Variants in SOCS5 observed in about 807,000 individuals in gnomAD.
The protein encoded by SOCS5 is suppressor of cytokine signaling 5.
A neutral mutation model predicts 42.8 loss-of-function variants in SOCS5; 32 were observed. That is an observed-to-expected ratio of 0.75 (90% CI 0.56 to 1.01). The LOEUF is 1.01. SOCS5 is among the 50% of genes least tolerant of loss of function. The pLI is 0.00. For synonymous variants in SOCS5, 283 were observed against 229.6 expected, an observed-to-expected ratio of 1.23 and a Z score of -2.10; for missense variants, 627 against 653.0, an observed-to-expected ratio of 0.96 and a Z score of 0.43.
chr2:46,759,857 G>A lies in SOCS5; in HGVS notation c.1327G>A (p.Asp443Asn). Residue 443 changes from aspartate to asparagine, a missense_variant, in exon 2 of 2, where the codon GAC becomes AAC. Around this residue, in one of 3 missense-constraint regions of SOCS5, gnomAD observed 340 missense variants for 367.6 expected, o/e 0.92. Coordinates refer to ENST00000394861, the MANE Select transcript of SOCS5 (RefSeq NM_144949.3). ...TCACAACTTTAGTTTCGACGCCCAT[G>A]ACCCGTGTGTATTTCACTCCTCCAC... ...WNHNFSFDAH[D>N]PCVFHSSTVT... 1.2e-6 allele frequency: 2 copies of A among 1,614,146 alleles called. No individual in the cohort carries two copies. The highest frequency in any genetic ancestry group is 1.7e-6 in the Non-Finnish European group (2 of 1,180,026).
intron 1 of SOCS5, among the ~76,000 whole-genome samples, chr2:46,721,670 A>G (rs1416044338): frequency 6.6e-6 from 1 of 152,318 alleles, no homozygotes; most frequent in African/African-American, 2.4e-5. Flanking sequence ...TTAGTCTACT[A>G]ACTTTTATGG....
In SOCS5 at chr2:46,701,554, A is replaced by C. The variant is rs41513045; in HGVS notation, c.-13+2105A>C. On this transcript the variant is annotated intron_variant, in intron 1 of 1. Transcript: ENST00000394861. Reference sequence around the variant, plus strand: ...TATCACTTTCACACTGTTTATTTCTAAAGCATTCTCGTGCCAACTGTTAAT... The same window carrying C: ...TATCACTTTCACACTGTTTATTTCTCAAGCATTCTCGTGCCAACTGTTAAT... 5.4e-3 allele frequency among the ~76,000 whole-genome samples: 826 copies of C among 152,194 alleles called. 6 individuals are homozygous for C. The highest frequency in any genetic ancestry group is 0.019 in the African/African-American group (797 of 41,492).
At chr2:46,728,844 A>G (rs905080770) in intron 1 of SOCS5, among the ~76,000 whole-genome samples, 2 of 152,192 alleles carry the variant, frequency 1.3e-5, no homozygotes, top group Non-Finnish European at 2.9e-5. Context: ...GGCATGAGCC[A>G]CCACGCTGGC....
intron 1 of SOCS5, among the ~76,000 whole-genome samples, chr2:46,727,692 C>T (rs1209210689): frequency 6.6e-6 from 1 of 152,110 alleles, no homozygotes; most frequent in Non-Finnish European, 1.5e-5. Context: ...GTTCAGTTCT[C>T]ATAGTTTTTG....
Position 46,717,797 on chromosome 2 carries a change from G to C in SOCS5, c.-13+18348G>C, listed in dbSNP as rs537289801. Among the ~76,000 whole-genome samples, 15 of 152,246 alleles carry C rather than the reference G, an allele frequency of 9.9e-5. No individual in the cohort carries two copies. The East Asian group carries it at 2.7e-3, about 27-fold the overall frequency. Reference sequence around the variant, plus strand: ...TATTCAACAAGGTCTTTTCACTCTAGCTTAGCTGCTAGGAATTTTAATGTC... The same window carrying C: ...TATTCAACAAGGTCTTTTCACTCTACCTTAGCTGCTAGGAATTTTAATGTC... On this transcript the variant is annotated intron_variant, in intron 1 of 1. Transcript: ENST00000394861.
chr2:46,706,501 T>C (rs1672466100), intron 1 of SOCS5, among the ~76,000 whole-genome samples: 1 of 152,232 alleles, frequency 6.6e-6, no homozygotes, highest in South Asian at 2.1e-4. Flanking sequence ...CCTTAAATTC[T>C]TGATTTTTAA....
At position 46,699,436 on chromosome 2, in the gene SOCS5, G is replaced by T; in HGVS notation, c.-26G>T. The T allele has an allele frequency of 6.6e-6, 1 of 152,170 alleles. No individual in the cohort carries two copies. The highest frequency in any genetic ancestry group is 1.9e-4 in the South Asian group (1 of 5,208). The allele number at this position is 152,170 out of a possible 1,614,324, so 9.4% of individuals were successfully genotyped here. ...CAGGTGCCCTGGATGAGGCCGCCCC[G>T]CGCGCCCCAAACGGTGAGTGTCCCC... On this transcript the variant is annotated 5_prime_UTR_variant, in exon 1 of 2. Transcript: ENST00000394861. This position sits in a 1 kb window ranked among gnomAD's most constrained non-coding sequence, Gnocchi z 4.8.
At chr2:46,739,784 C>G (rs1461357155) in intron 1 of SOCS5, among the ~76,000 whole-genome samples, 1 of 152,182 alleles carries the variant, frequency 6.6e-6, no homozygotes, top group Admixed American at 6.5e-5. Flanking sequence ...CATGTCTACA[C>G]ACATATGTAT....
chr2:46,751,504 A>G (rs10209683), intron 1 of SOCS5, among the ~76,000 whole-genome samples: 151,243 of 152,176 alleles, frequency 0.99, 75,164 homozygotes, highest in Middle Eastern at 1. Flanking sequence ...GCATAAAAGA[A>G]AACATGTGGA....
chr2:46,756,156 G>A (rs1351002970), intron 1 of SOCS5, among the ~76,000 whole-genome samples: 5 of 152,158 alleles, frequency 3.3e-5, no homozygotes, highest in African/African-American at 1.2e-4. Context: ...AGTGGTTTTA[G>A]GTTAGGTCAC....
intron 1 of SOCS5, among the ~76,000 whole-genome samples, chr2:46,758,116 G>A (rs934333121): frequency 6.6e-6 from 1 of 152,178 alleles, no homozygotes; most frequent in African/African-American, 2.4e-5. Flanking sequence ...TTACACAAAT[G>A]TTCTAGTTAC....
At chr2:46,717,374 A>T (rs746827317) in intron 1 of SOCS5, among the ~76,000 whole-genome samples, 1 of 152,064 alleles carries the variant, frequency 6.6e-6, no homozygotes, top group Admixed American at 6.6e-5. Flanking sequence ...TCTCGTGTGA[A>T]AACTATTGTT....
chr2:46,701,718 G>A (rs186009273), intron 1 of SOCS5, among the ~76,000 whole-genome samples: 4 of 149,968 alleles, frequency 2.7e-5, no homozygotes, highest in African/African-American at 7.4e-5. Context: ...GTTAGCGTTA[G>A]TGCTGATAGT....
chr2:46,738,987 G>C (rs978624228), intron 1 of SOCS5, among the ~76,000 whole-genome samples: 1 of 152,176 alleles, frequency 6.6e-6, no homozygotes, highest in Non-Finnish European at 1.5e-5. Flanking sequence ...ATATCAATGA[G>C]CATTATATTC....
chr2:46,740,224 G>A (rs1040531350), intron 1 of SOCS5, among the ~76,000 whole-genome samples: 3 of 152,164 alleles, frequency 2.0e-5, no homozygotes, highest in Non-Finnish European at 2.9e-5. Context: ...ATAGGTGATT[G>A]GACTGGCATG....
At position 46,733,579 on chromosome 2, in the gene SOCS5, AAG is replaced by A. The variant is rs1362370405; in HGVS notation, c.-12-24938_-12-24937del. 3.1e-3 allele frequency among the ~76,000 whole-genome samples: 456 copies of A among 145,092 alleles called. 5 individuals are homozygous for A. The highest frequency in any genetic ancestry group is 5.1e-3 in the Admixed American group (75 of 14,806). ...CTGAGACCCTGTCTCAAAAAAAAAA[AAG>A]AAAAAAAAAAAAAAAGGAATAACCA... is the stretch of plus-strand genomic sequence containing the variant. On this transcript the variant is annotated intron_variant, in intron 1 of 1. Coordinates refer to ENST00000394861, the MANE Select transcript of SOCS5 (RefSeq NM_144949.3).
intron 1 of SOCS5, among the ~76,000 whole-genome samples, chr2:46,753,056 T>G (rs1673658967): frequency 6.6e-6 from 1 of 152,222 alleles, no homozygotes; most frequent in South Asian, 2.1e-4. Context: ...TTATCATGGA[T>G]TATGAGGCTT....
intron 1 of SOCS5, among the ~76,000 whole-genome samples, chr2:46,752,369 G>C (rs1673642350): frequency 6.6e-6 from 1 of 152,000 alleles, no homozygotes; most frequent in African/African-American, 2.4e-5. Flanking sequence ...CATGAAACCA[G>C]TCCCTGGTGC....
chr2:46,745,128 G>A (rs1463022057), intron 1 of SOCS5, among the ~76,000 whole-genome samples: 1 of 152,022 alleles, frequency 6.6e-6, no homozygotes, highest in African/African-American at 2.4e-5. Flanking sequence ...TTCAGAGAAT[G>A]TCTTAAGAAT....
Sources: allele counts gnomAD v4.1 joint callset (sites outside exome capture counted in the v4.1 genomes callset), GRCh38; gene constraint gnomAD v4.1.1; regional missense constraint gnomAD v4.1.1; non-coding constraint Gnocchi (gnomAD v3.1); transcripts MANE v1.5; gene names NCBI Gene and HGNC (gene_info 2026-07-23, HGNC 2026-07-21).